Variants in DLG2 observed in about 807,000 individuals in gnomAD.
The protein encoded by DLG2 is disks large homolog 2.
In DLG2, 45 loss-of-function variants were observed where a neutral mutation model predicts 132.5. That is an observed-to-expected ratio of 0.34 (90% confidence interval 0.27 to 0.44). DLG2 has a LOEUF of 0.44. DLG2 is among the 20% of genes least tolerant of loss of function. The pLI, the probability that DLG2 is intolerant of heterozygous loss-of-function variation, is 1.00. For missense variants in DLG2, 1,045 were observed against 1,196.9 expected (o/e 0.87, Z 1.87); for synonymous variants, 424 against 419.6 (o/e 1.01, Z -0.13).
chr11:84,157,142 TTAAAATCTTATAGTTTA>T (rs1247420893), intron 9 of DLG2, among the ~76,000 whole-genome samples: 2 of 152,146 alleles, frequency 1.3e-5, no homozygotes, highest in Admixed American at 1.3e-4. Context: ...GTCAACTGTA[TTAAAATCTTATAGTTTA>T]ATTAAATAAT....
chr11:84,112,858 T>C (rs72951864), intron 9 of DLG2, among the ~76,000 whole-genome samples: 1,654 of 152,338 alleles, frequency 0.011, 9 homozygotes, highest in Non-Finnish European at 0.016. Context: ...AGATTCTAGC[T>C]TTACTATCTC....
intron 3 of DLG2, among the ~76,000 whole-genome samples, chr11:85,470,066 G>C (rs565642175): frequency 1.3e-5 from 2 of 151,110 alleles, no homozygotes; most frequent in Admixed American, 1.3e-4. Flanking sequence ...CATCCACACT[G>C]TTCCTCTGAC....
In DLG2 at chr11:83,633,127, G is replaced by A. The variant is rs896440536; in HGVS notation, c.1940+84C>T. On this transcript the variant is annotated intron_variant, in intron 19 of 27. Transcript: ENST00000376104. ...TGAAAGTGGGTTAAGTGGGACACATGTTCTGTTGCTACATGGTGTTGCCTT... is the reference window on the plus strand; with the variant it reads ...TGAAAGTGGGTTAAGTGGGACACATATTCTGTTGCTACATGGTGTTGCCTT... 3 of 1,234,320 alleles carry A rather than the reference G, an allele frequency of 2.4e-6. No homozygotes were observed. In the African/African-American group the frequency reaches 4.4e-5, roughly 18 times the overall value. 76.5% of individuals were successfully genotyped at this position (1,234,320 alleles called of 1,614,324 possible). A position where few individuals can be genotyped will look rare whatever the true frequency, so the allele number is the denominator to read the frequency against.
chr11:85,490,607 G>A (rs1305256323), intron 3 of DLG2, among the ~76,000 whole-genome samples: 1 of 151,886 alleles, frequency 6.6e-6, no homozygotes, highest in Non-Finnish European at 1.5e-5. Context: ...AAATGAAAAA[G>A]GAGACATTAC....
At chr11:85,138,376 T>A (rs1400211097) in intron 5 of DLG2, among the ~76,000 whole-genome samples, 2 of 152,314 alleles carry the variant, frequency 1.3e-5, no homozygotes, top group African/African-American at 2.4e-5. Flanking sequence ...TTTTTCCTAT[T>A]ATACAATGCT....
At chr11:83,894,702 G>T (rs1289118413) in intron 15 of DLG2, among the ~76,000 whole-genome samples, 1 of 151,946 alleles carries the variant, frequency 6.6e-6, no homozygotes, top group Non-Finnish European at 1.5e-5. Flanking sequence ...ACAAATTATT[G>T]GTAGCTATAA....
At chr11:84,004,706 G>A (rs1310832401) in intron 11 of DLG2, among the ~76,000 whole-genome samples, 1 of 151,734 alleles carries the variant, frequency 6.6e-6, no homozygotes, top group Non-Finnish European at 1.5e-5. Flanking sequence ...AAATACCTAG[G>A]AACAGATTTA....
intron 8 of DLG2, among the ~76,000 whole-genome samples, chr11:84,216,389 G>A (rs765631001): frequency 1.3e-5 from 2 of 151,948 alleles, no homozygotes; most frequent in Non-Finnish European, 1.5e-5. Context: ...TATAACCAAA[G>A]GAATAACGCC....
chr11:85,405,559 C>T (rs2088644129), intron 3 of DLG2, among the ~76,000 whole-genome samples: 1 of 151,954 alleles, frequency 6.6e-6, no homozygotes, highest in African/African-American at 2.4e-5. Flanking sequence ...TTACCATCCA[C>T]CAGACACTAT....
intron 3 of DLG2, among the ~76,000 whole-genome samples, chr11:85,361,456 ACCC>A (rs1183492880): frequency 6.7e-6 from 1 of 149,288 alleles, no homozygotes; most frequent in East Asian, 2.0e-4. Context: ...TTCAACCCTC[ACCC>A]CCTCCCACCT....
At chr11:83,584,974 G>C (rs1181629780) in intron 19 of DLG2, among the ~76,000 whole-genome samples, 1 of 152,068 alleles carries the variant, frequency 6.6e-6, no homozygotes, top group African/African-American at 2.4e-5. Context: ...CTACTTTTTA[G>C]GACTGAAATA....
chr11:85,182,592 AAAG>A (rs2079791564), intron 4 of DLG2, among the ~76,000 whole-genome samples: 1 of 151,556 alleles, frequency 6.6e-6, no homozygotes, highest in Non-Finnish European at 1.5e-5. Flanking sequence ...GTGTGGGAGA[AAAG>A]AAAGAGAAAG....
intron 6 of DLG2, among the ~76,000 whole-genome samples, chr11:84,557,418 A>G (rs2099414082): frequency 6.6e-6 from 1 of 152,184 alleles, no homozygotes; most frequent in East Asian, 1.9e-4. Context: ...ATTTGTTTAT[A>G]TACACATATT....
chr11:85,449,677 A>C (rs1185931274), intron 3 of DLG2, among the ~76,000 whole-genome samples: 1 of 151,944 alleles, frequency 6.6e-6, no homozygotes, highest in African/African-American at 2.4e-5. Flanking sequence ...TGTTTTATTA[A>C]AGCTGTTTTT....
At chr11:83,587,956 C>A (rs531785871) in intron 19 of DLG2, among the ~76,000 whole-genome samples, 5 of 152,168 alleles carry the variant, frequency 3.3e-5, no homozygotes, top group African/African-American at 9.7e-5. Flanking sequence ...TGGCGCACCA[C>A]GAGATTATAT....
At chr11:83,791,518 A>G (rs1216010599) in intron 17 of DLG2, 1 of 617,120 alleles carries the variant, frequency 1.6e-6, no homozygotes, top group African/African-American at 1.9e-5. Context: ...AAATCAGTTT[A>G]TTTTTTACTT....
chr11:83,580,606 A>T (rs1266575134), intron 19 of DLG2, among the ~76,000 whole-genome samples: 1 of 152,218 alleles, frequency 6.6e-6, no homozygotes, highest in African/African-American at 2.4e-5. Flanking sequence ...TGCAAAACTT[A>T]CTTACTTCAT....
intron 8 of DLG2, among the ~76,000 whole-genome samples, chr11:84,212,893 C>G (rs74736179): frequency 2.6e-5 from 4 of 152,184 alleles, no homozygotes; most frequent in Admixed American, 1.3e-4. Context: ...CACCTGACTT[C>G]GTGATCCGCC....
At chr11:85,498,707 A>G (rs1278781761) in intron 3 of DLG2, among the ~76,000 whole-genome samples, 4 of 152,170 alleles carry the variant, frequency 2.6e-5, no homozygotes, top group Admixed American at 6.5e-5. Flanking sequence ...GAATGTAAAC[A>G]AACAGGAATC....
Sources: allele counts gnomAD v4.1 joint callset (sites outside exome capture counted in the v4.1 genomes callset), GRCh38; gene constraint gnomAD v4.1.1; transcripts MANE v1.5; gene names NCBI Gene and HGNC (gene_info 2026-07-23, HGNC 2026-07-21).